Variants in ST8SIA6 observed in about 807,000 individuals in gnomAD.
The protein encoded by ST8SIA6 is alpha-2,8-sialyltransferase 8F.
Under a neutral mutation model 33.6 loss-of-function variants are expected in ST8SIA6, and 39 were observed. The ratio of observed to expected loss-of-function variants is 1.16; its 90% CI spans 0.90 to 1.52. The LOEUF is 1.52. ST8SIA6 is among the 40% of genes most tolerant of loss of function. The pLI, the probability that ST8SIA6 is intolerant of heterozygous loss-of-function variation, is 0.00. For synonymous variants in ST8SIA6, 172 were observed against 167.2 expected, an observed-to-expected ratio of 1.03 and a Z score of -0.22; for missense variants, 441 against 443.8, an observed-to-expected ratio of 0.99 and a Z score of 0.06.
intron 3 of ST8SIA6, among the ~76,000 whole-genome samples, chr10:17,374,764 T>TATATATATATATATATATATATACAC (rs1441288579): frequency 0.014 from 1,724 of 126,296 alleles, 48 homozygotes; most frequent in Middle Eastern, 0.024. Flanking sequence ...TATATATATA[T>TATATATATATATATATATATATACAC]ATATTTAGCT....
In ST8SIA6 at chr10:17,441,691, C is replaced by T. The variant is rs565052162; in HGVS notation, c.200+11868G>A. 9.2e-5 allele frequency among the ~76,000 whole-genome samples: 14 copies of T among 152,224 alleles called. No homozygotes were observed. The East Asian group carries it at 2.7e-3, about 29-fold the overall frequency. Reference sequence around the variant, plus strand: ...TTGAAAACTATCCTCGCTCCACCATCTGGAAGTCCCACCCTCTAAATTTGT... The same window carrying T: ...TTGAAAACTATCCTCGCTCCACCATTTGGAAGTCCCACCCTCTAAATTTGT... On this transcript the variant is annotated intron_variant, in intron 2 of 7. Transcript: ENST00000377602.
chr10:17,357,543 G>T (rs1256835615), intron 4 of ST8SIA6, among the ~76,000 whole-genome samples: 1 of 152,110 alleles, frequency 6.6e-6, no homozygotes, highest in African/African-American at 2.4e-5. Flanking sequence ...CAGCTTCTCT[G>T]CCTCTCAGCC....
chr10:17,440,292 G>A (rs1472899348), intron 2 of ST8SIA6, among the ~76,000 whole-genome samples: 4 of 147,622 alleles, frequency 2.7e-5, no homozygotes, highest in Admixed American at 1.4e-4. Flanking sequence ...CTGCAACTCC[G>A]CCTCCCGGGC....
chr10:17,442,321 T>C (rs1564467199), intron 2 of ST8SIA6, among the ~76,000 whole-genome samples: 1 of 152,176 alleles, frequency 6.6e-6, no homozygotes, highest in Admixed American at 6.5e-5. Flanking sequence ...AAGAAACCAA[T>C]ATTACTACTC....
At chr10:17,322,020 T>G (rs551779833) in intron 7 of ST8SIA6, among the ~76,000 whole-genome samples, 2 of 151,794 alleles carry the variant, frequency 1.3e-5, no homozygotes, top group South Asian at 4.2e-4. Context: ...AGAGGATCCC[T>G]TGAGCCCAGG....
chr10:17,434,869 A>C (rs917884837), intron 2 of ST8SIA6, among the ~76,000 whole-genome samples: 1 of 152,148 alleles, frequency 6.6e-6, no homozygotes, highest in African/African-American at 2.4e-5. Flanking sequence ...GGAGAGGGCA[A>C]CTTTCTGGAG....
chr10:17,451,610 G>C (rs76756511), intron 2 of ST8SIA6, among the ~76,000 whole-genome samples: 3,546 of 152,264 alleles, frequency 0.023, 150 homozygotes, highest in African/African-American at 0.081. Context: ...GCTTAGATCA[G>C]TGTCTGGCCC....
At chr10:17,339,415 A>G (rs527519412) in intron 4 of ST8SIA6, among the ~76,000 whole-genome samples, 6 of 152,342 alleles carry the variant, frequency 3.9e-5, no homozygotes, top group Admixed American at 1.3e-4. Context: ...GTATTGATAA[A>G]GAGCTACCTT....
rs1231322216 is a variant in ST8SIA6 at position 17,323,127 on chromosome 10, A to T, written c.666T>A (p.Val222=). 1 of 1,613,818 alleles carries T rather than the reference A, an allele frequency of 6.2e-7. No individual in the cohort carries two copies. The highest frequency in any genetic ancestry group is 1.7e-5 in the Admixed American group (1 of 59,984). The stretch of plus-strand genomic sequence containing the variant: ...TTGTTTTACTGCCAACATCTTTACT[A>T]ACATCTCCTGTGGTTGGGGGTAGGT... ...RCNLPPTTGD[V]SKDVGSKTNL... is the part of the protein sequence containing the mutation. Residue 222 remains valine, a synonymous_variant, in exon 7 of 8, where the codon GTT becomes GTA. Coordinates refer to ENST00000377602, the MANE Select transcript of ST8SIA6 (RefSeq NM_001004470.3).
intron 4 of ST8SIA6, among the ~76,000 whole-genome samples, chr10:17,342,354 G>T (rs1229929496): frequency 6.6e-6 from 1 of 152,208 alleles, no homozygotes; most frequent in Non-Finnish European, 1.5e-5. Flanking sequence ...CAGGGGAGGG[G>T]CACTTAACCA....
At chr10:17,352,739 A>G (rs949390211) in intron 4 of ST8SIA6, among the ~76,000 whole-genome samples, 1 of 152,034 alleles carries the variant, frequency 6.6e-6, no homozygotes, top group Non-Finnish European at 1.5e-5. Context: ...TAAATGTGCA[A>G]GAGTTAGTTT....
chr10:17,390,719 A>G (rs1850564391), intron 2 of ST8SIA6, 99 bp from the exon 3 acceptor site: 18 of 932,222 alleles, frequency 1.9e-5, no homozygotes, highest in Non-Finnish European at 2.9e-5. Context: ...GTGTGTCCAA[A>G]TGAAGTCTCA....
chr10:17,386,117 G>C (rs1850333228), intron 3 of ST8SIA6, among the ~76,000 whole-genome samples: 1 of 152,052 alleles, frequency 6.6e-6, no homozygotes, highest in South Asian at 2.1e-4. Flanking sequence ...GCAGGTCAAG[G>C]CTGCAGTGAG....
chr10:17,333,712 TATATA>T (rs1229239763), intron 4 of ST8SIA6, among the ~76,000 whole-genome samples: 20 of 38,166 alleles, frequency 5.2e-4, no homozygotes, highest in African/African-American at 7.9e-4. Flanking sequence ...TATATATATA[TATATA>T]TTTTTTTTTT....
chr10:17,363,654 C>T (rs1303321645), intron 3 of ST8SIA6, among the ~76,000 whole-genome samples: 5 of 152,134 alleles, frequency 3.3e-5, no homozygotes, highest in East Asian at 1.9e-4. Context: ...GGGAGCTGAC[C>T]GCTAAGCTTT....
In ST8SIA6 at chr10:17,407,026, A is replaced by G. The variant is rs570791773; in HGVS notation, c.201-16406T>C. Among the ~76,000 whole-genome samples the G allele has an allele frequency of 1.2e-4, 19 of 152,214 alleles. No homozygotes were observed. The South Asian group carries it at 3.7e-3, about 30-fold the overall frequency. ...CAGGCTGCCTTGAACTCCTGACCTC[A>G]GGTGATCTGCCTGCCTTGGCCTCTC... On this transcript the variant is annotated intron_variant, in intron 2 of 7. Transcript: ENST00000377602.
intron 4 of ST8SIA6, among the ~76,000 whole-genome samples, chr10:17,333,004 G>T (rs1341188729): frequency 3.9e-5 from 6 of 152,076 alleles, no homozygotes; most frequent in Non-Finnish European, 7.3e-5. Flanking sequence ...TCTGTAGGTT[G>T]CCTGTTCACT....
At chr10:17,328,806 C>T (rs2131582124) in intron 5 of ST8SIA6, among the ~76,000 whole-genome samples, 1 of 152,216 alleles carries the variant, frequency 6.6e-6, no homozygotes. Context: ...TGCACGTGCG[C>T]AGAACGAACC....
chr10:17,380,918 C>CGTGTGT (rs796272662), intron 3 of ST8SIA6, among the ~76,000 whole-genome samples: 1 of 70,512 alleles, frequency 1.4e-5, no homozygotes, highest in Non-Finnish European at 2.7e-5. Flanking sequence ...TGTGTTTGTG[C>CGTGTGT]GTGTGTGTGT....
Sources: allele counts gnomAD v4.1 joint callset (sites outside exome capture counted in the v4.1 genomes callset), GRCh38; gene constraint gnomAD v4.1.1; transcripts MANE v1.5; gene names NCBI Gene and HGNC (gene_info 2026-07-23, HGNC 2026-07-21).